Variants in PDE4D observed in about 807,000 individuals in gnomAD.
The protein encoded by PDE4D is phosphodiesterase 4D.
A neutral mutation model predicts 87.4 loss-of-function variants in PDE4D; 24 were observed. The ratio of observed to expected loss-of-function variants is 0.27; its 90% CI spans 0.20 to 0.39. PDE4D has a LOEUF of 0.39. PDE4D is among the 10% of genes least tolerant of loss of function. The pLI is 1.00. For synonymous variants in PDE4D, 384 were observed against 383.2 expected (o/e 1.00, Z -0.02); for missense variants, 714 against 1,041.0 (o/e 0.69, Z 4.32).
intron 2 of PDE4D, among the ~76,000 whole-genome samples, chr5:59,998,368 A>G (rs1370272978): frequency 6.6e-6 from 1 of 152,220 alleles, no homozygotes; most frequent in Non-Finnish European, 1.5e-5. Flanking sequence ...ATTGAAAATA[A>G]GAATAGTCAG....
chr5:59,219,236 T>G (rs967712817), intron 1 of PDE4D, among the ~76,000 whole-genome samples: 1 of 151,888 alleles, frequency 6.6e-6, no homozygotes, highest in African/African-American at 2.4e-5. Flanking sequence ...TGAGAAGACT[T>G]AATTGAATTT....
At chr5:58,999,555 A>G (rs199587811) in intron 6 of PDE4D, 12 of 860,476 alleles carry the variant, frequency 1.4e-5, no homozygotes, top group Admixed American at 4.0e-5. Flanking sequence ...GATTATATGT[A>G]TATATATATA....
intron 1 of PDE4D, among the ~76,000 whole-genome samples, chr5:59,386,532 G>C (rs1279030611): frequency 1.5e-5 from 2 of 134,526 alleles, no homozygotes; most frequent in Non-Finnish European, 3.3e-5. Context: ...ATATGACTTG[G>C]GCCTGGGCAT....
At chr5:60,294,891 T>C (rs1434906210) in intron 1 of PDE4D, among the ~76,000 whole-genome samples, 1 of 152,050 alleles carries the variant, frequency 6.6e-6, no homozygotes, top group Non-Finnish European at 1.5e-5. Context: ...TCAATTCCTA[T>C]AAAATAAAAG....
chr5:59,648,405 C>T (rs1229032733), intron 1 of PDE4D, among the ~76,000 whole-genome samples: 2 of 152,098 alleles, frequency 1.3e-5, no homozygotes, highest in African/African-American at 4.8e-5. Flanking sequence ...ATATGGTTAA[C>T]ATTTTCATTA....
chr5:59,069,536 C>A (rs1205350400), intron 5 of PDE4D, among the ~76,000 whole-genome samples: 1 of 150,276 alleles, frequency 6.7e-6, no homozygotes, highest in African/African-American at 2.4e-5. Flanking sequence ...TCCCTAATCC[C>A]GTGGGGAAGC....
intron 1 of PDE4D, among the ~76,000 whole-genome samples, chr5:59,645,256 A>T (rs1465162931): frequency 6.6e-6 from 1 of 152,142 alleles, no homozygotes; most frequent in Non-Finnish European, 1.5e-5. Context: ...AGGAAGGGTG[A>T]AGCTTCAGGG....
intron 1 of PDE4D, among the ~76,000 whole-genome samples, chr5:59,328,700 C>T (rs147263334): frequency 6.6e-6 from 1 of 152,282 alleles, no homozygotes; most frequent in African/African-American, 2.4e-5. Flanking sequence ...TGACTAAAAA[C>T]ACCCTGTATT....
chr5:59,903,578 CCAA>C (rs1203080082), intron 3 of PDE4D, among the ~76,000 whole-genome samples: 1 of 152,098 alleles, frequency 6.6e-6, no homozygotes, highest in African/African-American at 2.4e-5. Context: ...TACTTTTGCA[CCAA>C]CCTAATAAAT....
chr5:59,738,098 A>G (rs1396773367), intron 1 of PDE4D, among the ~76,000 whole-genome samples: 2 of 152,166 alleles, frequency 1.3e-5, no homozygotes, highest in Non-Finnish European at 2.9e-5. Context: ...TTTTGCTTCA[A>G]ATATCCACAT....
chr5:60,080,292 G>A (rs1773779619), intron 2 of PDE4D, among the ~76,000 whole-genome samples: 1 of 152,166 alleles, frequency 6.6e-6, no homozygotes, highest in Non-Finnish European at 1.5e-5. Context: ...TGAGATGATG[G>A]TGTTTGCTAA....
intron 1 of PDE4D, among the ~76,000 whole-genome samples, chr5:59,742,285 A>G (rs1758965541): frequency 6.6e-6 from 1 of 152,130 alleles, no homozygotes; most frequent in African/African-American, 2.4e-5. Flanking sequence ...GCTGGTCTCA[A>G]ACTCCTGACC....
intron 2 of PDE4D, among the ~76,000 whole-genome samples, chr5:60,181,741 G>T (rs1245332655): frequency 6.6e-6 from 1 of 152,056 alleles, no homozygotes; most frequent in Non-Finnish European, 1.5e-5. Context: ...AGAAAGTTTA[G>T]AATTTAATAC....
intron 1 of PDE4D, among the ~76,000 whole-genome samples, chr5:60,409,578 G>T (rs1006385086): frequency 6.6e-6 from 1 of 151,814 alleles, no homozygotes; most frequent in African/African-American, 2.4e-5. Context: ...TTGATTATGC[G>T]CTTACTTTGG....
chr5:59,282,598 G>A (rs552270882), intron 1 of PDE4D, among the ~76,000 whole-genome samples: 393 of 138,184 alleles, frequency 2.8e-3, no homozygotes, highest in Middle Eastern at 0.017. Flanking sequence ...AGCCGAGATC[G>A]TGTCATTGGA....
intron 1 of PDE4D, among the ~76,000 whole-genome samples, chr5:59,845,608 G>A (rs1743723774): frequency 6.6e-6 from 1 of 152,028 alleles, no homozygotes; most frequent in Non-Finnish European, 1.5e-5. Context: ...ACAAGACGTG[G>A]CTGGAACAAA....
intron 1 of PDE4D, among the ~76,000 whole-genome samples, chr5:60,256,751 G>A (rs4700370): frequency 0.5 from 75,479 of 151,704 alleles, 19,675 homozygotes; most frequent in African/African-American, 0.61. Context: ...AAATTGAGGA[G>A]GCAAATGTCG....
chr5:60,509,394 C>T (rs1028561176), intron 1 of PDE4D, among the ~76,000 whole-genome samples: 6 of 152,194 alleles, frequency 3.9e-5, no homozygotes, highest in Non-Finnish European at 8.8e-5. Flanking sequence ...GCTTCACGCT[C>T]GTCCACAAAT....
chr5:60,105,569 C>A (rs138185191), intron 2 of PDE4D, among the ~76,000 whole-genome samples: 7 of 151,978 alleles, frequency 4.6e-5, no homozygotes, highest in Admixed American at 2.0e-4. Flanking sequence ...GTCAGATTCA[C>A]CAAAGTTGAA....
Sources: gnomAD v4.1 joint callset for allele counts (sites outside exome capture counted in the v4.1 genomes callset) on GRCh38, gnomAD v4.1.1 for gene constraint, MANE v1.5 for transcripts, NCBI Gene and HGNC (gene_info 2026-07-23, HGNC 2026-07-21) for gene names.